Variants in IRAG2 observed in about 807,000 individuals in gnomAD.
IRAG2 encodes the protein inositol 1,4,5-triphosphate receptor associated 2.
In IRAG2, 45 loss-of-function variants were observed where a neutral mutation model predicts 69.9. The observed-to-expected ratio is 0.64, with a 90% CI of 0.51 to 0.83. The LOEUF (loss-of-function observed/expected upper bound fraction) is 0.83. Among genes scored for constraint, IRAG2 ranks in the 40% least tolerant of loss-of-function variants. IRAG2 has a pLI of 0.00. For missense variants in IRAG2, 520 were observed against 587.0 expected (o/e 0.89, Z 1.18); for synonymous variants, 193 against 202.4 (o/e 0.95, Z 0.40).
At chr12:25,015,163 T>TG in intron 3 of IRAG2, 3 of 1,197,594 alleles carry the variant, frequency 2.5e-6, no homozygotes, top group Non-Finnish European at 3.1e-6. Context: ...TTGTTTTTTT[T>TG]TTTTTTTTTT....
chr12:25,077,209 G>GATATATATATGAAATATATATATGAT (rs376784693), intron 6 of IRAG2, among the ~76,000 whole-genome samples: 1 of 33,722 alleles, frequency 3.0e-5, no homozygotes, highest in African/African-American at 8.2e-5. Flanking sequence ...ATATATATAT[G>GATATATATATGAAATATATATATGAT]ATATATATGA....
At chr12:25,039,454 G>A (rs1174222743) in intron 16 of IRAG2, among the ~76,000 whole-genome samples, 6 of 152,102 alleles carry the variant, frequency 3.9e-5, no homozygotes, top group Non-Finnish European at 2.9e-5. Flanking sequence ...TTTTTGAGAC[G>A]AAGTCTCGCT....
At chr12:25,030,294 A>G in exon 10 of IRAG2, 1 of 1,231,702 alleles carries the variant, frequency 8.1e-7, no homozygotes, top group East Asian at 3.2e-5. Flanking sequence ...TTACACACAT[A>G]TGAGAACACT....
chr12:25,027,826 T>G (rs1944636145), intron 9 of IRAG2, among the ~76,000 whole-genome samples: 1 of 152,208 alleles, frequency 6.6e-6, no homozygotes, highest in Non-Finnish European at 1.5e-5. Context: ...CTATGAACAT[T>G]TGTATACAAA....
intron 9 of IRAG2, among the ~76,000 whole-genome samples, chr12:25,080,313 A>T (rs1683165): frequency 0.1 from 14,242 of 137,870 alleles, 756 homozygotes; most frequent in African/African-American, 0.17. Flanking sequence ...TAATTCCCAT[A>T]AAAAAAAATC....
intron 4 of IRAG2, among the ~76,000 whole-genome samples, chr12:25,064,235 A>G (rs1400741547): frequency 6.6e-6 from 1 of 152,230 alleles, no homozygotes; most frequent in Non-Finnish European, 1.5e-5. Context: ...TTAGAGTTGA[A>G]CTGGCCTTGA....
intron 3 of IRAG2, chr12:25,015,161 T>TG (rs71063388): frequency 0.017 from 16,346 of 972,992 alleles, 28 homozygotes; most frequent in Middle Eastern, 0.027. Context: ...TTTTGTTTTT[T>TG]TTTTTTTTTT....
At chr12:25,003,790 T>TA (rs1658862605), upstream of IRAG2, among the ~76,000 whole-genome samples, 1 of 152,152 alleles carries the variant, frequency 6.6e-6, no homozygotes, top group African/African-American at 2.4e-5. Flanking sequence ...ATAATACACA[T>TA]AAAACACCTA....
upstream of IRAG2, among the ~76,000 whole-genome samples, chr12:25,049,225 G>A (rs1276150675): frequency 1.3e-5 from 2 of 152,092 alleles, no homozygotes; most frequent in Non-Finnish European, 2.9e-5. Context: ...TTGGCTATTT[G>A]GGTTCTTTTT....
chr12:25,045,848 T>TAAAAAAA (rs71063392), intron 16 of IRAG2, among the ~76,000 whole-genome samples: 1 of 131,568 alleles, frequency 7.6e-6, no homozygotes, highest in Non-Finnish European at 1.6e-5. Flanking sequence ...AAATAAAAGA[T>TAAAAAAA]AAAAAAAAAA....
the IRAG2 span, among the ~76,000 whole-genome samples, chr12:24,999,064 TTGAA>T: frequency 2.0e-5 from 3 of 152,222 alleles, no homozygotes; most frequent in Non-Finnish European, 4.4e-5. Flanking sequence ...TTCTTAGTGA[TTGAA>T]TAATATAGAT....
intron 10 of IRAG2, among the ~76,000 whole-genome samples, chr12:25,085,221 G>C (rs1370715927): frequency 4.3e-4 from 65 of 152,274 alleles, no homozygotes; most frequent in Admixed American, 4.3e-3. Flanking sequence ...CTGTCGCTCA[G>C]TGTCCCAAAA....
chr12:25,010,156 G>A (rs1944463517), intron 2 of IRAG2, among the ~76,000 whole-genome samples: 1 of 152,186 alleles, frequency 6.6e-6, no homozygotes, highest in Non-Finnish European at 1.5e-5. Flanking sequence ...TTTCCAGCTT[G>A]CTTTCCAGTT....
At position 25,024,492 on chromosome 12, in the gene IRAG2, C is replaced by A. The variant is rs187753259; in HGVS notation, c.1383+571C>A. Reference sequence around the variant, plus strand: ...TTTTTTTAAAGCAACAAAATTGAAGCATTGGAAGAACAGGGAACAAGCTAC... The same window carrying A: ...TTTTTTTAAAGCAACAAAATTGAAGAATTGGAAGAACAGGGAACAAGCTAC... On this transcript the variant is annotated intron_variant, in intron 8 of 38. Transcript: ENST00000636465. Among the ~76,000 whole-genome samples, 359 of 152,196 alleles carry A rather than the reference C, an allele frequency of 2.4e-3. 2 individuals are homozygous for A. Among genetic ancestry groups the A allele is most frequent in the Non-Finnish European group, 3.7e-3 (251 of 68,006 alleles).
At chr12:25,072,646 C>T (rs1946412358) in intron 6 of IRAG2, among the ~76,000 whole-genome samples, 1 of 152,120 alleles carries the variant, frequency 6.6e-6, no homozygotes. Context: ...TCCCAGTGGA[C>T]ACCCCAGACG....
upstream of IRAG2, chr12:25,052,557 A>G: frequency 2.5e-6 from 1 of 397,304 alleles, no homozygotes; most frequent in Non-Finnish European, 4.4e-6. Flanking sequence ...CTGCTGATGA[A>G]AGAGGCGACT....
At chr12:25,096,839 C>A in intron 14 of IRAG2, 71 bp from the exon 15 acceptor site, 3 of 1,242,288 alleles carry the variant, frequency 2.4e-6, no homozygotes, top group Non-Finnish European at 2.2e-6. Flanking sequence ...ACATTTGCAA[C>A]TTAGTCAGTG....
At chr12:25,050,917 C>T (rs1944854330), upstream of IRAG2, among the ~76,000 whole-genome samples, 1 of 152,054 alleles carries the variant, frequency 6.6e-6, no homozygotes, top group East Asian at 1.9e-4. Flanking sequence ...TCTGAGGTAT[C>T]TAAAATAGTT....
At chr12:25,030,757 A>G (rs886452938) in intron 10 of IRAG2, among the ~76,000 whole-genome samples, 2 of 152,254 alleles carry the variant, frequency 1.3e-5, no homozygotes, top group Admixed American at 6.5e-5. Flanking sequence ...AAGTTTGAAC[A>G]TATCTTCTCT....
Sources: gnomAD v4.1 joint callset for allele counts (sites outside exome capture counted in the v4.1 genomes callset) on GRCh38, gnomAD v4.1.1 for gene constraint, MANE v1.5 for transcripts, NCBI Gene and HGNC (gene_info 2026-07-23, HGNC 2026-07-21) for gene names.